DDAH1: variants seen among roughly 807,000 people sequenced by gnomAD.
The protein encoded by DDAH1 is dimethylarginine dimethylaminohydrolase 1.
Under a neutral mutation model 28.8 loss-of-function variants are expected in DDAH1, and 19 were observed. That is an observed-to-expected ratio of 0.66 (90% CI 0.46 to 0.97). The LOEUF is 0.97. Ranked by LOEUF, DDAH1 falls within the 50% of genes least tolerant of loss-of-function variation. DDAH1 has a pLI of 0.00. For synonymous variants in DDAH1, 153 were observed against 154.4 expected, an observed-to-expected ratio of 0.99 and a Z score of 0.07; for missense variants, 326 against 375.9, an observed-to-expected ratio of 0.87 and a Z score of 1.10.
At chr1:85,328,783 A>G (rs1276497901) in intron 4 of DDAH1, among the ~76,000 whole-genome samples, 1 of 152,216 alleles carries the variant, frequency 6.6e-6, no homozygotes, top group Non-Finnish European at 1.5e-5. Flanking sequence ...AAACAAAACA[A>G]AATCTAGAAA....
Position 85,512,116 on chromosome 1 carries a change from C to A in DDAH1, c.-122-15835G>T, listed in dbSNP as rs186382035. 5.9e-3 allele frequency among the ~76,000 whole-genome samples: 891 copies of A among 152,272 alleles called. 6 individuals are homozygous for A. The highest frequency in any genetic ancestry group is 0.02 in the African/African-American group (840 of 41,530). The stretch of plus-strand genomic sequence containing the variant: ...AAATCCTCAATAAAATACTGGCAAA[C>A]CGAATCCAGCAGTACATCAAAAAGC... On this transcript the variant is annotated intron_variant, in intron 1 of 6. Coordinates refer to the DDAH1 transcript ENST00000426972.
At chr1:85,381,550 C>A (rs564939164) in intron 1 of DDAH1, among the ~76,000 whole-genome samples, 42 of 151,790 alleles carry the variant, frequency 2.8e-4, no homozygotes, top group African/African-American at 9.7e-4. Flanking sequence ...TGCCTTTACG[C>A]CTGCATTGTT....
chr1:85,392,446 C>A (rs554110076), intron 1 of DDAH1, among the ~76,000 whole-genome samples: 1 of 152,214 alleles, frequency 6.6e-6, no homozygotes, highest in East Asian at 1.9e-4. Context: ...CATACGAATT[C>A]TGAGAGGGTA....
At chr1:85,370,684 G>A (rs1395972606) in intron 1 of DDAH1, among the ~76,000 whole-genome samples, 1 of 152,176 alleles carries the variant, frequency 6.6e-6, no homozygotes. Context: ...TCTGGAGGGT[G>A]GACGGAAGTT....
intron 1 of DDAH1, among the ~76,000 whole-genome samples, chr1:85,504,484 AC>A (rs1312403557): frequency 1.3e-5 from 2 of 152,212 alleles, no homozygotes; most frequent in Non-Finnish European, 2.9e-5. Flanking sequence ...CTATAGAAGA[AC>A]CAAGAAAACC....
chr1:85,424,676 TC>T (rs1454530066), intron 1 of DDAH1, among the ~76,000 whole-genome samples: 1 of 152,106 alleles, frequency 6.6e-6, no homozygotes, highest in Non-Finnish European at 1.5e-5. Context: ...CAGTCAATTT[TC>T]CTGAGTTCCC....
Position 85,496,272 on chromosome 1 carries a change from A to G in DDAH1, c.-113T>C, listed in dbSNP as rs918486285. 16 of 965,022 alleles carry G rather than the reference A, an allele frequency of 1.7e-5. No homozygotes were observed. In the South Asian group the frequency reaches 5.3e-4, roughly 32 times the overall value. The allele number at this position is 965,022 out of a possible 1,614,324, so 59.8% of individuals were successfully genotyped here. A position where few individuals can be genotyped will look rare whatever the true frequency, so the allele number is the denominator to read the frequency against. On this transcript the variant is annotated 5_prime_UTR_variant, in exon 2 of 7. Transcript: ENST00000426972. Reference sequence around the variant, plus strand: ...AAAGTTACCAGAGCTCCTTTTCCATACAGATGAAACTGCAAATGGAGAAAT... The same window carrying G: ...AAAGTTACCAGAGCTCCTTTTCCATGCAGATGAAACTGCAAATGGAGAAAT...
At chr1:85,422,810 G>A (rs1653206244) in intron 1 of DDAH1, among the ~76,000 whole-genome samples, 1 of 152,104 alleles carries the variant, frequency 6.6e-6, no homozygotes, top group South Asian at 2.1e-4. Flanking sequence ...GATTAGTGAA[G>A]AGACTCCAAA....
At chr1:85,460,977 C>T (rs1327029310) in intron 1 of DDAH1, among the ~76,000 whole-genome samples, 1 of 152,180 alleles carries the variant, frequency 6.6e-6, no homozygotes, top group East Asian at 1.9e-4. Context: ...TGGCCAGGCA[C>T]AGTGGCTCGT....
rs565389821 is a variant in DDAH1 at position 85,553,328 on chromosome 1, A to G, written c.-123+24656T>C. Among the ~76,000 whole-genome samples the G allele has an allele frequency of 5.3e-5, 8 of 152,372 alleles. No individual in the cohort carries two copies. The East Asian group carries it at 1.5e-3, about 29-fold the overall frequency. ...ACTAAGTTTGGGGGTAGTTTATTAC[A>G]CAGCAGTAAATACTGGAAAAGCCAG... On this transcript the variant is annotated intron_variant, in intron 1 of 6. Coordinates refer to the DDAH1 transcript ENST00000426972.
chr1:85,571,075 C>T (rs190759006), intron 1 of DDAH1, among the ~76,000 whole-genome samples: 2 of 152,278 alleles, frequency 1.3e-5, no homozygotes, highest in African/African-American at 4.8e-5. Flanking sequence ...ATTCCCTAAG[C>T]TTAGAAAGAT....
chr1:85,422,689 G>GT (rs1653200130), intron 1 of DDAH1, among the ~76,000 whole-genome samples: 1 of 152,142 alleles, frequency 6.6e-6, no homozygotes, highest in African/African-American at 2.4e-5. Flanking sequence ...ACTGAATTGA[G>GT]TCCCCCTAAA....
Position 85,321,343 on chromosome 1 carries a change from T to C in DDAH1, c.*109A>G. On this transcript the variant is annotated 3_prime_UTR_variant, in exon 6 of 6. Transcript: ENST00000284031. ...TAGAATCAAATTTTGTAAACAAGAG[T>C]TAGTAGCACAGTGGCACAGTAGATT... 1.4e-6 allele frequency: 1 copy of C among 714,184 alleles called. No individual in the cohort carries two copies. The highest frequency in any genetic ancestry group is 2.5e-6 in the Non-Finnish European group (1 of 406,726). The allele number at this position is 714,184 out of a possible 1,614,324, so 44.2% of individuals were successfully genotyped here.
At chr1:85,566,980 T>C (rs778172376) in intron 1 of DDAH1, among the ~76,000 whole-genome samples, 1 of 152,180 alleles carries the variant, frequency 6.6e-6, no homozygotes, top group East Asian at 1.9e-4. Flanking sequence ...ATGTGTCAGA[T>C]TGAGACTGAA....
At chr1:85,566,681 G>A (rs1224224952) in intron 1 of DDAH1, among the ~76,000 whole-genome samples, 2 of 152,074 alleles carry the variant, frequency 1.3e-5, no homozygotes, top group African/African-American at 4.8e-5. Flanking sequence ...TTAGATTTCA[G>A]AACAAAGAAT....
chr1:85,507,488 G>A (rs1461407476), intron 1 of DDAH1, among the ~76,000 whole-genome samples: 7 of 103,992 alleles, frequency 6.7e-5, no homozygotes, highest in Admixed American at 4.3e-4. Flanking sequence ...AGGTGAAAAA[G>A]TGAGACCCTG....
chr1:85,526,478 C>T (rs1377661830), intron 1 of DDAH1, among the ~76,000 whole-genome samples: 1 of 152,140 alleles, frequency 6.6e-6, no homozygotes, highest in Non-Finnish European at 1.5e-5. Context: ...CTGGTCAGAG[C>T]GCCCGGATCT....
chr1:85,373,424 A>G (rs543000047), intron 1 of DDAH1, among the ~76,000 whole-genome samples: 4 of 152,102 alleles, frequency 2.6e-5, no homozygotes, highest in African/African-American at 9.6e-5. Flanking sequence ...ATCTCCAAGC[A>G]TTGAGGGAGG....
At chr1:85,460,934 G>T (rs1055648522) in intron 1 of DDAH1, among the ~76,000 whole-genome samples, 1 of 152,100 alleles carries the variant, frequency 6.6e-6, no homozygotes, top group African/African-American at 2.4e-5. Context: ...TAGATTATTT[G>T]TTTACATTAT....
Sources: gnomAD v4.1 joint callset for allele counts (sites outside exome capture counted in the v4.1 genomes callset) on GRCh38, gnomAD v4.1.1 for gene constraint, MANE v1.5 for transcripts, NCBI Gene and HGNC (gene_info 2026-07-23, HGNC 2026-07-21) for gene names.